The following WDR72 variants were observed in gnomAD, a reference collection of about 807,000 sequenced individuals.
The protein encoded by WDR72 is WD repeat domain 72.
A neutral mutation model predicts 124.2 loss-of-function variants in WDR72; 120 were observed. The ratio of observed to expected loss-of-function variants is 0.97; its 90% CI spans 0.83 to 1.12. The LOEUF (loss-of-function observed/expected upper bound fraction) is 1.12. WDR72 is among the 50% of genes most tolerant of loss of function. The pLI is 0.00. For synonymous variants in WDR72, 452 were observed against 441.7 expected, an observed-to-expected ratio of 1.02 and a Z score of -0.29; for missense variants, 1,387 against 1,278.8, an observed-to-expected ratio of 1.08 and a Z score of -1.29.
chr15:53,665,626 G>A lies in WDR72; in HGVS notation c.1908C>T (p.Pro636=). 6.2e-7 allele frequency: 1 copy of A among 1,613,928 alleles called. No homozygotes were observed. The highest frequency in any genetic ancestry group is 8.5e-7 in the Non-Finnish European group (1 of 1,179,872). Residue 636 remains proline, a synonymous_variant, in exon 14 of 20, where the codon CCC becomes CCT. Coordinates refer to ENST00000360509, the MANE Select transcript of WDR72 (RefSeq NM_182758.4). Reference sequence around the variant, plus strand: ...GGCAAGGTAATGGCCCAAGCTGGTAGGGGCTGGAGGATCTCTGTTCTATAC... The same window carrying A: ...GGCAAGGTAATGGCCCAAGCTGGTAAGGGCTGGAGGATCTCTGTTCTATAC... The part of the protein sequence containing the change: ...HKSIEQRSSS[P]YQLGPLPCPG...
chr15:53,745,758 G>A (rs1371570598), intron 1 of WDR72, among the ~76,000 whole-genome samples: 1 of 152,108 alleles, frequency 6.6e-6, no homozygotes. Context: ...AGACAAAAAG[G>A]AGCCTTGTAG....
chr15:53,650,762 A>G (rs754735090), intron 14 of WDR72, among the ~76,000 whole-genome samples: 1 of 152,146 alleles, frequency 6.6e-6, no homozygotes, highest in African/African-American at 2.4e-5. Context: ...ATGTCACACC[A>G]TGGTTTTTGC....
In WDR72 at chr15:53,615,650, T is replaced by G; in HGVS notation, c.2556A>C (p.Gly852=). 1 of 1,611,860 alleles carries G rather than the reference T, an allele frequency of 6.2e-7. No individual in the cohort carries two copies. Among genetic ancestry groups the G allele is most frequent in the Non-Finnish European group, 8.5e-7 (1 of 1,178,728 alleles). ...TTACTCCTGAATAGTCTTTTATCATTCCACTATTGCATAAATCCCAACCTG... is the reference window on the plus strand; with the variant it reads ...TTACTCCTGAATAGTCTTTTATCATGCCACTATTGCATAAATCCCAACCTG... ...MLPGWDLCNS[G]MIKDYSGVNL... The change falls in exon 15 of 20, where the codon GGA becomes GGC. Residue 852 remains glycine (G), a synonymous_variant. Transcript: ENST00000360509.
chr15:53,760,688 A>T (rs1266327342), upstream of WDR72, among the ~76,000 whole-genome samples: 1 of 152,132 alleles, frequency 6.6e-6, no homozygotes, highest in African/African-American at 2.4e-5. Context: ...TTTCTTTTGG[A>T]TGTATACCTA....
intron 19 of WDR72, among the ~76,000 whole-genome samples, chr15:53,517,967 T>A (rs1891555492): frequency 1.3e-5 from 2 of 152,014 alleles, no homozygotes; most frequent in South Asian, 4.1e-4. Flanking sequence ...GTTAATATAA[T>A]AAAAATATAC....
intron 18 of WDR72, among the ~76,000 whole-genome samples, chr15:53,546,842 G>C (rs1465820162): frequency 6.6e-6 from 1 of 152,094 alleles, no homozygotes; most frequent in Non-Finnish European, 1.5e-5. Context: ...AATTTAAGAA[G>C]TCTTAAGCGA....
intron 14 of WDR72, among the ~76,000 whole-genome samples, chr15:53,651,267 T>A (rs2015230913): frequency 6.6e-6 from 1 of 152,160 alleles, no homozygotes. Flanking sequence ...AAATCCTACC[T>A]CCTTCTCTGA....
chr15:53,575,364 A>G (rs1894716203), intron 18 of WDR72, among the ~76,000 whole-genome samples: 1 of 152,160 alleles, frequency 6.6e-6, no homozygotes, highest in South Asian at 2.1e-4. Flanking sequence ...GCTATAATCA[A>G]TATTATTTGC....
chr15:53,637,821 G>C (rs1198505031), intron 14 of WDR72, among the ~76,000 whole-genome samples: 1 of 151,958 alleles, frequency 6.6e-6, no homozygotes, highest in Non-Finnish European at 1.5e-5. Flanking sequence ...TTTAGCCTTA[G>C]GCATTCACAG....
In WDR72 at chr15:53,615,901, G is replaced by A. The variant is rs775151103; in HGVS notation, c.2305C>T (p.Gln769Ter). Residue 769 changes from glutamine to a stop codon, truncating the protein, a stop_gained, in exon 15 of 20, where the codon CAG becomes TAG. Transcript: ENST00000360509. LOFTEE classifies it high-confidence loss of function. ...FSEENDGIKR[Q>*]KKMKISKKMQ... ...TTTTTGGAGATCTTCATTTTCTTCT[G>A]CCTTTTAATGCCATCATTTTCTTCT... The A allele has an allele frequency of 6.2e-7, 1 of 1,613,396 alleles. No homozygotes were observed. Among genetic ancestry groups the A allele is most frequent in the Admixed American group, 1.7e-5 (1 of 59,860 alleles).
intron 14 of WDR72, among the ~76,000 whole-genome samples, chr15:53,619,233 A>G (rs2013889613): frequency 6.7e-6 from 1 of 150,344 alleles, no homozygotes; most frequent in African/African-American, 2.4e-5. Flanking sequence ...TATTTTGCCA[A>G]CATTTTCCTG....
At chr15:53,546,913 G>A (rs1893498308) in intron 18 of WDR72, among the ~76,000 whole-genome samples, 1 of 152,124 alleles carries the variant, frequency 6.6e-6, no homozygotes, top group Non-Finnish European at 1.5e-5. Flanking sequence ...TAATTCTCTG[G>A]AAAACTTGGT....
At chr15:53,690,250 T>C (rs775250496) in intron 13 of WDR72, among the ~76,000 whole-genome samples, 8 of 152,130 alleles carry the variant, frequency 5.3e-5, no homozygotes, top group Non-Finnish European at 8.8e-5. Context: ...AAAATTGCCT[T>C]TAGACTTACT....
intron 15 of WDR72, among the ~76,000 whole-genome samples, 179 bp downstream of exon 15, chr15:53,615,247 T>G (rs1026489658): frequency 3.3e-5 from 5 of 152,044 alleles, no homozygotes; most frequent in African/African-American, 1.2e-4. Context: ...CAAATTATAC[T>G]CTAATCCCAA....
At chr15:53,751,085 C>T (rs112142594) in intron 1 of WDR72, among the ~76,000 whole-genome samples, 106 of 152,232 alleles carry the variant, frequency 7.0e-4, no homozygotes, top group Middle Eastern at 3.4e-3. Context: ...AAAAGGCTAT[C>T]AGACAGCATT....
intron 18 of WDR72, among the ~76,000 whole-genome samples, chr15:53,524,687 G>A (rs968244974): frequency 7.2e-5 from 11 of 152,052 alleles, no homozygotes; most frequent in African/African-American, 2.7e-4. Flanking sequence ...ACACAGATAT[G>A]ACTTCTCTGT....
chr15:53,654,910 T>C (rs1169424838), intron 14 of WDR72, among the ~76,000 whole-genome samples: 3 of 152,038 alleles, frequency 2.0e-5, no homozygotes, highest in African/African-American at 4.8e-5. Context: ...CATACATAAA[T>C]GTTAAAGTCA....
chr15:53,663,558 A>G (rs1319510765), intron 14 of WDR72, among the ~76,000 whole-genome samples: 1 of 152,232 alleles, frequency 6.6e-6, no homozygotes, highest in Non-Finnish European at 1.5e-5. Flanking sequence ...AATAAATATC[A>G]GTCAGTTTAC....
At position 53,606,364 on chromosome 15, in the gene WDR72, T is replaced by C. The variant is rs1006985097; in HGVS notation, c.2952+3149A>G. ...AATGTGCTGATAAAGTTGCCTGTAC[T>C]TGTGTTTATTCCAATTATTACAGAG... On this transcript the variant is annotated intron_variant, in intron 17 of 19. Transcript: ENST00000360509. 3.7e-4 allele frequency among the ~76,000 whole-genome samples: 57 copies of C among 152,268 alleles called. 1 individual carries two copies. The highest frequency in any genetic ancestry group is 1.3e-3 in the African/African-American group (52 of 41,574).
Sources: gnomAD v4.1 joint callset for allele counts (sites outside exome capture counted in the v4.1 genomes callset) on GRCh38, gnomAD v4.1.1 for gene constraint, MANE v1.5 for transcripts, NCBI Gene and HGNC (gene_info 2026-07-23, HGNC 2026-07-21) for gene names.